The following BNC2 variants were observed in gnomAD, a reference collection of about 807,000 sequenced individuals.
BNC2 encodes basonuclin zinc finger protein 2.
BNC2 carries 20 observed loss-of-function variants against 76.3 expected under a neutral mutation model. The observed-to-expected ratio is 0.26, with a 90% CI of 0.18 to 0.38. BNC2 has a LOEUF of 0.38. Ranked by LOEUF, BNC2 falls within the 10% of genes least tolerant of loss-of-function variation. The pLI is 1.00. For missense variants in BNC2, 1,382 were observed against 1,399.8 expected, an observed-to-expected ratio of 0.99 and a Z score of 0.20; for synonymous variants, 582 against 514.8, an observed-to-expected ratio of 1.13 and a Z score of -1.77.
chr9:16,699,125 T>G (rs187958950), intron 3 of BNC2: 3 of 454,708 alleles, frequency 6.6e-6, no homozygotes, highest in Non-Finnish European at 9.0e-6. Context: ...GTTTTTGTTT[T>G]TGTTTTTGTT....
At chr9:16,543,937 A>G (rs944063928) in intron 5 of BNC2, among the ~76,000 whole-genome samples, 1 of 152,156 alleles carries the variant, frequency 6.6e-6, no homozygotes, top group African/African-American at 2.4e-5. Context: ...TGAATCATCT[A>G]TTTTTTGTAT....
chr9:16,795,040 C>T (rs182356732), intron 1 of BNC2, among the ~76,000 whole-genome samples: 29 of 152,348 alleles, frequency 1.9e-4, no homozygotes, highest in African/African-American at 6.7e-4. Flanking sequence ...ACAGGGTTCA[C>T]TCACTATCCA....
intron 5 of BNC2, among the ~76,000 whole-genome samples, chr9:16,439,735 T>A (rs1821088072): frequency 6.6e-6 from 1 of 152,236 alleles, no homozygotes; most frequent in Non-Finnish European, 1.5e-5. Context: ...TTAAAAAAGC[T>A]CTGATAGTTA....
intron 5 of BNC2, among the ~76,000 whole-genome samples, chr9:16,520,482 T>C (rs911334206): frequency 2.0e-5 from 3 of 152,206 alleles, no homozygotes; most frequent in African/African-American, 4.8e-5. Context: ...CTCTGCAATA[T>C]TGCAGGTAGT....
At chr9:16,491,716 G>A (rs757941559) in intron 5 of BNC2, among the ~76,000 whole-genome samples, 1 of 152,088 alleles carries the variant, frequency 6.6e-6, no homozygotes, top group Non-Finnish European at 1.5e-5. Context: ...ATGTGCACTC[G>A]CTCATTAGGG....
chr9:16,623,671 A>G (rs1820921139), intron 3 of BNC2, among the ~76,000 whole-genome samples: 1 of 152,220 alleles, frequency 6.6e-6, no homozygotes, highest in Admixed American at 6.5e-5. Flanking sequence ...CTAATGCATA[A>G]CAGATAAACA....
chr9:16,543,651 G>C (rs1416207688), intron 5 of BNC2, among the ~76,000 whole-genome samples: 2 of 152,148 alleles, frequency 1.3e-5, no homozygotes, highest in Admixed American at 6.5e-5. Flanking sequence ...TTTTAACTCT[G>C]AGCACAAAAC....
intron 3 of BNC2, among the ~76,000 whole-genome samples, chr9:16,701,500 T>G (rs953172844): frequency 2.0e-5 from 3 of 152,208 alleles, no homozygotes; most frequent in Non-Finnish European, 4.4e-5. Context: ...ATAAAGTTAT[T>G]AGTTAACAAT....
In BNC2 at chr9:16,413,309, A is replaced by T. The variant is rs1820514712; in HGVS notation, c.*5680T>A. 6.6e-6 allele frequency: 1 copy of T among 152,104 alleles called. No homozygotes were observed. Among genetic ancestry groups the T allele is most frequent in the African/African-American group, 2.4e-5 (1 of 41,426 alleles). 9.4% of individuals were successfully genotyped at this position (152,104 alleles called of 1,614,324 possible). On this transcript the variant is annotated 3_prime_UTR_variant, in exon 7 of 7. Coordinates refer to ENST00000380672, the MANE Select transcript of BNC2 (RefSeq NM_017637.6). ...CTCCAAAAATATATATAGCATTATAATGAACAATAATGCTGATCCAATTCA... is the reference window on the plus strand; with the variant it reads ...CTCCAAAAATATATATAGCATTATATTGAACAATAATGCTGATCCAATTCA...
chr9:16,453,587 C>G (rs1226756975), intron 5 of BNC2, among the ~76,000 whole-genome samples: 1 of 151,434 alleles, frequency 6.6e-6, no homozygotes. Flanking sequence ...CACATTCTGA[C>G]GACATTCTGG....
At chr9:16,822,844 A>G (rs1025438702) in intron 1 of BNC2, among the ~76,000 whole-genome samples, 12 of 152,334 alleles carry the variant, frequency 7.9e-5, no homozygotes, top group Non-Finnish European at 1.5e-4. Context: ...CATCATTACT[A>G]TTCTATAAAT....
chr9:16,822,809 A>G lies in BNC2; in HGVS notation c.3+47837T>C, dbSNP rs190162678. ...ATTATTATAGTCAACTATGTGGAAC[A>G]CTAAAATCTAATCAAACGTTCCAAC... On this transcript the variant is annotated intron_variant, in intron 1 of 6. Coordinates refer to ENST00000380672, the MANE Select transcript of BNC2 (RefSeq NM_017637.6). Among the ~76,000 whole-genome samples the G allele has an allele frequency of 2.0e-3, 311 of 152,360 alleles. 3 individuals carry two copies. The highest frequency in any genetic ancestry group is 6.9e-3 in the African/African-American group (288 of 41,580).
intron 3 of BNC2, chr9:16,685,674 A>G: frequency 8.1e-7 from 1 of 1,228,388 alleles, no homozygotes; most frequent in South Asian, 1.3e-5. Context: ...GAGGCTGCTG[A>G]GAACTGCACA....
chr9:16,770,821 C>T (rs961223229), intron 1 of BNC2, among the ~76,000 whole-genome samples: 4 of 151,634 alleles, frequency 2.6e-5, no homozygotes, highest in Non-Finnish European at 5.9e-5. Flanking sequence ...GCCAAGATAG[C>T]GAGATCATGC....
intron 1 of BNC2, among the ~76,000 whole-genome samples, chr9:16,760,967 G>T (rs957213106): frequency 2.0e-5 from 3 of 152,072 alleles, no homozygotes; most frequent in African/African-American, 4.8e-5. Flanking sequence ...TCAGGGCCAG[G>T]TGCAATGGCT....
At chr9:16,480,852 G>A (rs1039295426) in intron 5 of BNC2, among the ~76,000 whole-genome samples, 71 of 152,144 alleles carry the variant, frequency 4.7e-4, no homozygotes, top group Non-Finnish European at 8.1e-4. Flanking sequence ...CCTGCTCCAC[G>A]GCGCCCAGTC....
chr9:16,547,890 C>G (rs1321615418), intron 5 of BNC2, among the ~76,000 whole-genome samples: 3 of 152,144 alleles, frequency 2.0e-5, no homozygotes, highest in African/African-American at 7.2e-5. Context: ...CTGTGTTATA[C>G]TAATGAGTAT....
intron 1 of BNC2, among the ~76,000 whole-genome samples, chr9:16,823,532 G>A (rs895440277): frequency 3.3e-5 from 5 of 151,866 alleles, no homozygotes; most frequent in African/African-American, 9.7e-5. Flanking sequence ...GAGCCTGGGA[G>A]GCAGAGGTTG....
Position 16,435,881 on chromosome 9 carries a change from G to A in BNC2, c.2313C>T (p.Val771=), listed in dbSNP as rs1038064871. 6.2e-7 allele frequency: 1 copy of A among 1,613,840 alleles called. No individual in the cohort carries two copies. Among genetic ancestry groups the A allele is most frequent in the African/African-American group, 1.3e-5 (1 of 75,046 alleles). The change falls in exon 6 of 7, where the codon GTC becomes GTT. Residue 771 remains valine, a synonymous_variant. Transcript: ENST00000380672. ...ENHSEPSHQD[V]IKVKEEFTDP... ...CTGTAAATTCTTCCTTCACCTTGAT[G>A]ACGTCCTGGTGAGAGGGCTCACTGT...
Sources: gnomAD v4.1 joint callset for allele counts (sites outside exome capture counted in the v4.1 genomes callset) on GRCh38, gnomAD v4.1.1 for gene constraint, MANE v1.5 for transcripts, NCBI Gene and HGNC (gene_info 2026-07-23, HGNC 2026-07-21) for gene names.